The following LNPK variants were observed in gnomAD, a reference collection of about 807,000 sequenced individuals.
LNPK encodes the protein lunapark, ER junction formation factor, also known as endoplasmic reticulum junction formation protein lunapark.
Under a neutral mutation model 55.2 loss-of-function variants are expected in LNPK, and 29 were observed. That is an observed-to-expected ratio of 0.53 (90% CI 0.39 to 0.72). The LOEUF is 0.72. Ranked by LOEUF, LNPK falls within the 30% of genes least tolerant of loss-of-function variation. The probability of loss-of-function intolerance (pLI) is 0.00; values close to 1 mark genes in which losing one functional copy is unlikely to be tolerated. For synonymous variants in LNPK, 162 were observed against 168.2 expected (o/e 0.96, Z 0.29); for missense variants, 467 against 494.8 (o/e 0.94, Z 0.53).
At chr2:175,991,882 A>C (rs946788918) in intron 4 of LNPK, among the ~76,000 whole-genome samples, 1 of 152,174 alleles carries the variant, frequency 6.6e-6, no homozygotes, top group Admixed American at 6.5e-5. Context: ...GAATAATTTG[A>C]GCAGTTATTC....
At chr2:175,938,035 T>C (rs999216974) in intron 11 of LNPK, among the ~76,000 whole-genome samples, 1 of 152,164 alleles carries the variant, frequency 6.6e-6, no homozygotes, top group African/African-American at 2.4e-5. Flanking sequence ...AGGAGACTCT[T>C]TGTAAATGGG....
chr2:175,933,070 C>T (rs956918118), intron 12 of LNPK, among the ~76,000 whole-genome samples: 1 of 151,934 alleles, frequency 6.6e-6, no homozygotes, highest in Non-Finnish European at 1.5e-5. Context: ...AACAATATAC[C>T]ACAATGCCAT....
chr2:175,939,985 G>A (rs374693944), intron 9 of LNPK, among the ~76,000 whole-genome samples: 3 of 152,012 alleles, frequency 2.0e-5, no homozygotes, highest in Admixed American at 6.6e-5. Context: ...AAAAGCCTAC[G>A]TGATAGTAAA....
At chr2:176,001,271 A>G (rs1011961822) in intron 1 of LNPK, among the ~76,000 whole-genome samples, 1 of 152,148 alleles carries the variant, frequency 6.6e-6, no homozygotes, top group Non-Finnish European at 1.5e-5. Flanking sequence ...CCGCTGTTGA[A>G]TAGAGTCAAT....
chr2:176,001,103 C>T (rs990260242), intron 1 of LNPK, among the ~76,000 whole-genome samples: 1 of 152,088 alleles, frequency 6.6e-6, no homozygotes, highest in Admixed American at 6.5e-5. Flanking sequence ...CAATAGATAA[C>T]AGACAACCTT....
chr2:175,933,762 C>T (rs1256759155), intron 12 of LNPK, among the ~76,000 whole-genome samples: 6 of 121,542 alleles, frequency 4.9e-5, no homozygotes, highest in South Asian at 5.7e-4. Flanking sequence ...GACAGAGTCT[C>T]ACTCTGTCAC....
rs576148414 is a variant in LNPK at position 175,995,186 on chromosome 2, C to T, written c.27+372G>A. Among the ~76,000 whole-genome samples the T allele has an allele frequency of 1.1e-4, 17 of 152,150 alleles. No homozygotes were observed. In the East Asian group the frequency reaches 3.3e-3, roughly 29 times the overall value. On this transcript the variant is annotated intron_variant, in intron 2 of 12. Transcript: ENST00000272748. ...CTGCCCGCCTCAGCCTCCCAAAGTG[C>T]TGGGATTATAGATGTGAGCCACCAC...
intron 8 of LNPK, among the ~76,000 whole-genome samples, chr2:175,963,126 C>A (rs1425091899): frequency 6.8e-6 from 1 of 148,010 alleles, no homozygotes; most frequent in Non-Finnish European, 1.5e-5. Context: ...ACTAGTTCAA[C>A]CCTTGTGGAA....
chr2:176,000,499 T>C (rs967129672), intron 1 of LNPK, among the ~76,000 whole-genome samples: 3 of 152,248 alleles, frequency 2.0e-5, no homozygotes, highest in Admixed American at 6.5e-5. Context: ...AAAGCACCTA[T>C]TTCATAATTC....
At position 175,929,729 on chromosome 2, in the gene LNPK, T is replaced by C. The variant is rs1414911131; in HGVS notation, c.*238A>G. 4 of 1,346,336 alleles carry C rather than the reference T, an allele frequency of 3.0e-6. No homozygotes were observed. Among genetic ancestry groups the C allele is most frequent in the South Asian group, 4.1e-5 (2 of 48,854 alleles). The allele number at this position is 1,346,336 out of a possible 1,614,324, so 83.4% of individuals were successfully genotyped here. Reference sequence around the variant, plus strand: ...TGGACAAAAAAGTATCTAAAAGCTGTCTCAATAGTGTGGGTCTTTGTACAT... The same window carrying C: ...TGGACAAAAAAGTATCTAAAAGCTGCCTCAATAGTGTGGGTCTTTGTACAT... On this transcript the variant is annotated 3_prime_UTR_variant, in exon 13 of 13. Transcript: ENST00000272748.
intron 6 of LNPK, among the ~76,000 whole-genome samples, chr2:175,968,374 A>C (rs985049233): frequency 2.6e-5 from 4 of 152,220 alleles, no homozygotes; most frequent in South Asian, 2.1e-4. Context: ...TAATATTCTG[A>C]AAAAGCACAA....
intron 6 of LNPK, chr2:175,967,702 C>G (rs912173183): frequency 9.2e-6 from 9 of 977,604 alleles, no homozygotes; most frequent in Middle Eastern, 5.2e-4. Flanking sequence ...ATTGATGATG[C>G]TTTTACTAAT....
At chr2:175,933,893 G>A (rs1185343146) in intron 12 of LNPK, among the ~76,000 whole-genome samples, 2 of 152,110 alleles carry the variant, frequency 1.3e-5, no homozygotes, top group East Asian at 3.9e-4. Flanking sequence ...CACCACACCT[G>A]GATCATTTTT....
intron 5 of LNPK, among the ~76,000 whole-genome samples, chr2:175,973,176 T>A (rs1686739583): frequency 1.3e-5 from 2 of 152,208 alleles, no homozygotes; most frequent in South Asian, 4.1e-4. Context: ...TTATCAAGGC[T>A]GTAGCAAAAG....
At chr2:175,952,398 CAG>C (rs1217520186) in intron 8 of LNPK, among the ~76,000 whole-genome samples, 9 of 151,796 alleles carry the variant, frequency 5.9e-5, no homozygotes, top group Non-Finnish European at 7.4e-5. Flanking sequence ...AGTTAGGGCA[CAG>C]GGATATATTT....
At chr2:175,988,777 C>A (rs1687555463) in intron 4 of LNPK, among the ~76,000 whole-genome samples, 1 of 152,086 alleles carries the variant, frequency 6.6e-6, no homozygotes, top group South Asian at 2.1e-4. Context: ...AAAGCCATAT[C>A]TAAAAATTCC....
intron 12 of LNPK, chr2:175,935,776 G>A: frequency 1.0e-6 from 1 of 968,204 alleles, no homozygotes; most frequent in Non-Finnish European, 1.2e-6. Context: ...TGAGACGTCT[G>A]GGGTATTGCT....
chr2:175,963,824 G>A (rs1320235094), intron 8 of LNPK, among the ~76,000 whole-genome samples: 2 of 151,834 alleles, frequency 1.3e-5, no homozygotes, highest in African/African-American at 2.4e-5. Flanking sequence ...TATAATGACG[G>A]TTAAAATTTT....
intron 8 of LNPK, among the ~76,000 whole-genome samples, chr2:175,958,743 C>T (rs1371015230): frequency 6.6e-6 from 1 of 152,134 alleles, no homozygotes; most frequent in African/African-American, 2.4e-5. Flanking sequence ...GAGAAGAAGG[C>T]TTCAGAAGGT....
Sources: allele counts gnomAD v4.1 joint callset (sites outside exome capture counted in the v4.1 genomes callset), GRCh38; gene constraint gnomAD v4.1.1; transcripts MANE v1.5; gene names NCBI Gene and HGNC (gene_info 2026-07-23, HGNC 2026-07-21).